Variants in FRMD6 observed in about 807,000 individuals in gnomAD.
FRMD6 encodes the protein FERM domain-containing protein 6.
In FRMD6, 37 loss-of-function variants were observed where a neutral mutation model predicts 73.2. That is an observed-to-expected ratio of 0.51 (90% CI 0.39 to 0.66). FRMD6 has a LOEUF of 0.66. Ranked by LOEUF, FRMD6 falls within the 30% of genes least tolerant of loss-of-function variation. The pLI, the probability that FRMD6 is intolerant of heterozygous loss-of-function variation, is 0.00. For missense variants in FRMD6, 714 were observed against 780.5 expected (o/e 0.91, Z 1.02); for synonymous variants, 273 against 282.2 (o/e 0.97, Z 0.33).
At chr14:51,416,701 A>T in the FRMD6 span, among the ~76,000 whole-genome samples, 1 of 152,196 alleles carries the variant, frequency 6.6e-6, no homozygotes, top group East Asian at 1.9e-4. Context: ...CAAGTAGTGG[A>T]TATCCTTGTT....
chr14:51,529,499 A>G (rs1217046511), intron 1 of FRMD6, among the ~76,000 whole-genome samples: 2 of 152,252 alleles, frequency 1.3e-5, no homozygotes, highest in African/African-American at 2.4e-5. Flanking sequence ...CACAACTACT[A>G]TTGTTCAGGC....
chr14:51,703,917 G>C (rs939221579), intron 5 of FRMD6, among the ~76,000 whole-genome samples: 1 of 152,016 alleles, frequency 6.6e-6, no homozygotes, highest in African/African-American at 2.4e-5. Flanking sequence ...TTTTTACTTT[G>C]ATCACAAAAG....
intron 2 of FRMD6, chr14:51,692,957 T>C (rs1895706085): frequency 6.6e-6 from 1 of 152,200 alleles, no homozygotes; most frequent in Non-Finnish European, 1.5e-5. Flanking sequence ...CACCACCTAG[T>C]TTCTTTCACT....
In FRMD6 at chr14:51,675,822, G is replaced by C. The variant is rs2140270820; in HGVS notation, c.-146-13869G>C. On this transcript the variant is annotated intron_variant, in intron 1 of 13. Coordinates refer to ENST00000344768, the MANE Select transcript of FRMD6 (RefSeq NM_001267046.2). ...TGTGGGTGTCCCCACAGCAAATGCT[G>C]CTGCTTTGAGTGTGTCTAGGTAACA... 1.3e-5 allele frequency among the ~76,000 whole-genome samples: 2 copies of C among 152,112 alleles called. 1 individual carries two copies. Among genetic ancestry groups the C allele is most frequent in the South Asian group, 4.2e-4 (2 of 4,804 alleles).
rs571917881 is a variant in FRMD6, at chr14:51,530,638, AC to A, written c.-209-39707del. ...TGGGACCACAGGCATGCACCACCAC[AC>A]CCAGCTATTTTTTTTTTTTTTAATT... On this transcript the variant is annotated intron_variant, in intron 1 of 14. Transcript: ENST00000356218. 3.3e-5 allele frequency among the ~76,000 whole-genome samples: 3 copies of A among 92,296 alleles called. No homozygotes were observed. In the East Asian group the frequency reaches 1.0e-3, roughly 31 times the overall value. 60.5% of individuals were successfully genotyped at this position (92,296 alleles called of 152,430 possible). A position where few individuals can be genotyped will look rare whatever the true frequency, so the allele number is the denominator to read the frequency against.
intron 1 of FRMD6, among the ~76,000 whole-genome samples, chr14:51,509,359 T>TAA (rs892252127): frequency 6.6e-6 from 1 of 151,740 alleles, no homozygotes; most frequent in Non-Finnish European, 1.5e-5. Context: ...CCATCTGTAC[T>TAA]AAAAAAATAC....
chr14:51,415,897 T>G, the FRMD6 span, among the ~76,000 whole-genome samples: 1 of 152,152 alleles, frequency 6.6e-6, no homozygotes, highest in Non-Finnish European at 1.5e-5. Flanking sequence ...TGTACGTGTC[T>G]AGGAATTTAT....
At chr14:51,412,051 C>T in the FRMD6 span, among the ~76,000 whole-genome samples, 1 of 151,872 alleles carries the variant, frequency 6.6e-6, no homozygotes, top group Non-Finnish European at 1.5e-5. Flanking sequence ...ATTGTACTGT[C>T]TCTATCTTAT....
chr14:51,414,584 G>A, the FRMD6 span, among the ~76,000 whole-genome samples: 2 of 152,218 alleles, frequency 1.3e-5, no homozygotes, highest in Non-Finnish European at 2.9e-5. Context: ...AAGTCAGGTA[G>A]TGTGATGCCT....
chr14:51,514,875 C>A (rs144534181), intron 1 of FRMD6, among the ~76,000 whole-genome samples: 1 of 152,028 alleles, frequency 6.6e-6, no homozygotes, highest in Non-Finnish European at 1.5e-5. Context: ...AAAACTATGA[C>A]GACAAGAGGA....
intron 1 of FRMD6, among the ~76,000 whole-genome samples, chr14:51,665,244 A>G (rs900931158): frequency 6.6e-6 from 1 of 152,210 alleles, no homozygotes; most frequent in African/African-American, 2.4e-5. Flanking sequence ...TTCCCCCTTT[A>G]TACGGGGTGT....
chr14:51,643,708 C>A (rs1891918054), intron 2 of FRMD6: 1 of 152,148 alleles, frequency 6.6e-6, no homozygotes, highest in African/African-American at 2.4e-5. Context: ...AGTTTCCAGT[C>A]CAAAGGTTCA....
the FRMD6 span, among the ~76,000 whole-genome samples, chr14:51,468,659 C>T: frequency 1.3e-5 from 2 of 152,092 alleles, no homozygotes; most frequent in African/African-American, 2.4e-5. Flanking sequence ...TTCCCAAACC[C>T]GGGGGTGGGC....
chr14:51,599,915 G>A (rs1889943979), intron 2 of FRMD6: 1 of 149,256 alleles, frequency 6.7e-6, no homozygotes. Flanking sequence ...TGGGTCCTCA[G>A]AGTCTGGACG....
At chr14:51,596,438 C>T (rs1373105892) in intron 2 of FRMD6, among the ~76,000 whole-genome samples, 1 of 152,144 alleles carries the variant, frequency 6.6e-6, no homozygotes, top group Non-Finnish European at 1.5e-5. Flanking sequence ...ATCTAAGACC[C>T]TGTCAAATGA....
chr14:51,720,085 G>C lies in FRMD6; in HGVS notation c.1055G>C (p.Ser352Thr). Residue 352 changes from serine to threonine, a missense_variant, in exon 11 of 14, where the codon AGT becomes ACT. Ser to Thr is a moderately conservative substitution (Grantham distance 58). Transcript: ENST00000344768. ...AAGCAGTACCGGGAATCTTACATCA[G>C]TGACAACCTGGACCTCGACATGGAC... Reference protein sequence around the residue: ...EKKQYRESYISDNLDLDMDQL... With the variant: ...EKKQYRESYITDNLDLDMDQL... The C allele has an allele frequency of 6.2e-7, 1 of 1,613,406 alleles. No individual in the cohort carries two copies. The highest frequency in any genetic ancestry group is 1.1e-5 in the South Asian group (1 of 91,040).
chr14:51,700,930 C>T, intron 3 of FRMD6, 126 bp from the exon 4 acceptor site: 1 of 451,202 alleles, frequency 2.2e-6, no homozygotes, highest in Non-Finnish European at 4.0e-6. Flanking sequence ...TTTGGGTTTT[C>T]TAGTATGTGC....
chr14:51,694,253 A>G (rs1160052308), intron 2 of FRMD6, among the ~76,000 whole-genome samples: 1 of 152,218 alleles, frequency 6.6e-6, no homozygotes, highest in African/African-American at 2.4e-5. Context: ...GGAGCCATAA[A>G]GATTTGAGTG....
chr14:51,657,554 G>C (rs10132283), intron 1 of FRMD6, among the ~76,000 whole-genome samples: 67,548 of 152,020 alleles, frequency 0.44, 15,163 homozygotes, highest in Middle Eastern at 0.52. Context: ...TCTTTTTTCT[G>C]TTATTTCTGT....
Sources: gnomAD v4.1 joint callset for allele counts (sites outside exome capture counted in the v4.1 genomes callset) on GRCh38, gnomAD v4.1.1 for gene constraint, MANE v1.5 for transcripts, NCBI Gene and HGNC (gene_info 2026-07-23, HGNC 2026-07-21) for gene names.